OR5AC2: variants seen among roughly 807,000 people sequenced by gnomAD.
OR5AC2 encodes the protein olfactory receptor family 5 subfamily AC member 2.
For missense variants in OR5AC2, 448 were observed against 375.3 expected, an observed-to-expected ratio of 1.19 and a Z score of -1.60; for synonymous variants, 172 against 136.3, an observed-to-expected ratio of 1.26 and a Z score of -1.82.
rs368530070 is a variant in OR5AC2 at position 98,087,922 on chromosome 3, C to T, written c.750C>T (p.Val250=). The change falls in exon 1 of 1, where the codon GTC becomes GTT. Residue 250 remains valine, a synonymous_variant. Coordinates refer to ENST00000358642, the MANE Select transcript of OR5AC2 (RefSeq NM_054106.1). ...CATGCGGCGCCCATCTGCTTTCTGTCTCATTGTACTACGGAACTCTGATCT... is the reference window on the plus strand; with the variant it reads ...CATGCGGCGCCCATCTGCTTTCTGTTTCATTGTACTACGGAACTCTGATCT... The part of the protein sequence containing the change: ...FSTCGAHLLS[V]SLYYGTLIFM... The T allele has an allele frequency of 7.4e-6, 12 of 1,614,070 alleles. No homozygotes were observed. In the East Asian group the frequency reaches 1.1e-4, roughly 15 times the overall value.
chr3:98,087,606 A>G lies in OR5AC2; in HGVS notation c.434A>G (p.Gln145Arg). ...PVMMSNKLSA[Q>R]LLSISYVIGF... ...ATGATGTCCAACAAACTCAGCGCTC[A>G]GTTGCTAAGTATTTCATATGTAATT... The change falls in exon 1 of 1, where the codon CAG becomes CGG. Residue 145 changes from glutamine to arginine, a missense_variant. Transcript: ENST00000358642. 3 of 1,613,920 alleles carry G rather than the reference A, an allele frequency of 1.9e-6. No individual in the cohort carries two copies. The South Asian group carries it at 3.3e-5, about 18-fold the overall frequency.
chr3:98,087,342 T>C lies in OR5AC2; in HGVS notation c.170T>C (p.Leu57Pro). Residue 57 changes from leucine (L) to proline (P), a missense_variant, in exon 1 of 1, where the codon CTT (leucine) becomes CCT (proline). Physicochemically the swap from Leu to Pro is moderately conservative, Grantham distance 98. Coordinates refer to ENST00000358642, the MANE Select transcript of OR5AC2 (RefSeq NM_054106.1). ...LIVLIWNDPH[L>P]HMPMYLFLGG... ...GTTCTAATTTGGAACGACCCCCATC[T>C]TCATATGCCCATGTACTTATTCCTT... The C allele has an allele frequency of 6.2e-7, 1 of 1,614,240 alleles. No homozygotes were observed. The highest frequency in any genetic ancestry group is 8.5e-7 in the Non-Finnish European group (1 of 1,180,042).
In OR5AC2 at chr3:98,087,820, C is replaced by T. The variant is rs373771600; in HGVS notation, c.648C>T (p.Ile216=). Residue 216 remains isoleucine, a synonymous_variant, in exon 1 of 1, where the codon ATC becomes ATT. Coordinates refer to ENST00000358642, the MANE Select transcript of OR5AC2 (RefSeq NM_054106.1). The part of the protein sequence containing the change: ...AFIQIPTLMT[I]IISYTRVLFD... ...TACAAATACCCACTTTAATGACTAT[C>T]ATAATCTCTTATACTCGTGTGCTCT... 1 of 1,609,578 alleles carries T rather than the reference C, an allele frequency of 6.2e-7. No individual in the cohort carries two copies. The highest frequency in any genetic ancestry group is 8.5e-7 in the Non-Finnish European group (1 of 1,176,762).
rs1329583340 is a variant in OR5AC2 at position 98,088,050 on chromosome 3, G to A, written c.878G>A (p.Ser293Asn). The A allele has an allele frequency of 6.2e-7, 1 of 1,611,702 alleles. No homozygotes were observed. The highest frequency in any genetic ancestry group is 2.2e-5 in the East Asian group (1 of 44,816). Reference sequence around the variant, plus strand: ...CCCCTGCTAAACCCATTTATTTACAGCTTGAGAAATAAAAAAGTCATGCAT... The same window carrying A: ...CCCCTGCTAAACCCATTTATTTACAACTTGAGAAATAAAAAAGTCATGCAT... ...IIPLLNPFIY[S>N]LRNKKVMHAL... Residue 293 changes from serine (S) to asparagine (N), a missense_variant, in exon 1 of 1, where the codon AGC becomes AAC. Ser to Asn is a conservative substitution (Grantham distance 46). Coordinates refer to ENST00000358642, the MANE Select transcript of OR5AC2 (RefSeq NM_054106.1).
At position 98,087,834 on chromosome 3, in the gene OR5AC2, C is replaced by G; in HGVS notation, c.662C>G (p.Thr221Ser). 2.5e-6 allele frequency: 4 copies of G among 1,611,594 alleles called. No homozygotes were observed. Among genetic ancestry groups the G allele is most frequent in the Non-Finnish European group, 3.4e-6 (4 of 1,178,240 alleles). The change falls in exon 1 of 1, where the codon ACT becomes AGT. Residue 221 changes from threonine (T) to serine (S), a missense_variant. Transcript: ENST00000358642. ...TTAATGACTATCATAATCTCTTATA[C>G]TCGTGTGCTCTTTGATATTCTGAAA... ...PTLMTIIISYTRVLFDILKKK... is the reference protein window; with the variant it reads ...PTLMTIIISYSRVLFDILKKK...
In OR5AC2 at chr3:98,087,268, GT is replaced by G. The variant is rs1356921709; in HGVS notation, c.101del (p.Leu34TrpfsTer14). On this transcript the variant is annotated frameshift_variant, in exon 1 of 1. Coordinates refer to ENST00000358642, the MANE Select transcript of OR5AC2 (RefSeq NM_054106.1). LOFTEE classifies it low-confidence loss of function (END_TRUNC). ...PWLHVLFFVV[F>X]LVVYLITMVG... ...GGCTGCACGTCCTCTTCTTTGTTGT[GT>G]TTTTGGTGGTCTATCTCATCACCAT... The G allele has an allele frequency of 1.2e-6, 2 of 1,614,120 alleles. No individual in the cohort carries two copies. Among genetic ancestry groups the G allele is most frequent in the Non-Finnish European group, 8.5e-7 (1 of 1,180,002 alleles).
chr3:98,088,002 C>G lies in OR5AC2; in HGVS notation c.830C>G (p.Ser277Cys). The G allele has an allele frequency of 3.1e-6, 5 of 1,613,956 alleles. No homozygotes were observed. Among genetic ancestry groups the G allele is most frequent in the Non-Finnish European group, 4.2e-6 (5 of 1,179,868 alleles). ...GCTGAAGACCAAGACAAAGTGTATT[C>G]TCTGTTTTACACGATTATAATTCCC... The part of the protein sequence containing the change: ...GLAEDQDKVY[S>C]LFYTIIIPLL... Residue 277 changes from serine to cysteine, a missense_variant, in exon 1 of 1, where the codon TCT (serine) becomes TGT (cysteine). Ser to Cys is a moderately radical substitution (Grantham distance 112). Transcript: ENST00000358642.
rs926734231 is a variant in OR5AC2, at chr3:98,087,695, A to C, written c.523A>C (p.Ile175Leu). 1.9e-6 allele frequency: 3 copies of C among 1,612,866 alleles called. No homozygotes were observed. Among genetic ancestry groups the C allele is most frequent in the Non-Finnish European group, 2.5e-6 (3 of 1,179,960 alleles). Reference sequence around the variant, plus strand: ...GCGACTAACTTTCTGCAGGTTTAACATAATACATTATTTCTACTGTGAAAT... The same window carrying C: ...GCGACTAACTTTCTGCAGGTTTAACCTAATACATTATTTCTACTGTGAAAT... ...LLRLTFCRFN[I>L]IHYFYCEILQ... The change falls in exon 1 of 1, where the codon ATA (isoleucine) becomes CTA (leucine). Residue 175 changes from isoleucine to leucine, a missense_variant. Coordinates refer to ENST00000358642, the MANE Select transcript of OR5AC2 (RefSeq NM_054106.1).
At position 98,087,923 on chromosome 3, in the gene OR5AC2, T is replaced by C. The variant is rs1707783013; in HGVS notation, c.751T>C (p.Ser251Pro). The stretch of plus-strand genomic sequence containing the variant: ...ATGCGGCGCCCATCTGCTTTCTGTC[T>C]CATTGTACTACGGAACTCTGATCTT... ...STCGAHLLSV[S>P]LYYGTLIFMY... The change falls in exon 1 of 1, where the codon TCA (serine) becomes CCA (proline). Residue 251 changes from serine (S) to proline (P), a missense_variant. By Grantham distance (74) the Ser-to-Pro change is moderately conservative. Coordinates refer to ENST00000358642, the MANE Select transcript of OR5AC2 (RefSeq NM_054106.1). The C allele has an allele frequency of 1.1e-5, 18 of 1,613,978 alleles. No homozygotes were observed. The highest frequency in any genetic ancestry group is 1.4e-5 in the Non-Finnish European group (16 of 1,180,000).
At position 98,087,858 on chromosome 3, in the gene OR5AC2, A is replaced by T; in HGVS notation, c.686A>T (p.Lys229Ile). The part of the protein sequence containing the change: ...SYTRVLFDIL[K>I]KKSEKGRSKA... ...ACTCGTGTGCTCTTTGATATTCTGAAAAAAAAGTCTGAAAAGGGCAGAAGC... is the reference window on the plus strand; with the variant it reads ...ACTCGTGTGCTCTTTGATATTCTGATAAAAAAGTCTGAAAAGGGCAGAAGC... The change falls in exon 1 of 1, where the codon AAA becomes ATA. Residue 229 changes from lysine to isoleucine, a missense_variant. By Grantham distance (102) the Lys-to-Ile change is moderately radical. Transcript: ENST00000358642. The T allele has an allele frequency of 6.2e-7, 1 of 1,612,952 alleles. No homozygotes were observed. Among genetic ancestry groups the T allele is most frequent in the Non-Finnish European group, 8.5e-7 (1 of 1,179,238 alleles).
At position 98,087,466 on chromosome 3, in the gene OR5AC2, G is replaced by A. The variant is rs1346037643; in HGVS notation, c.294G>A (p.Glu98=). ...LDKTAMISLA[E]CITQFYFFAS... is the part of the protein sequence containing the mutation. ...AGACTGCAATGATATCCCTAGCTGA[G>A]TGCATCACCCAGTTTTACTTTTTTG... The change falls in exon 1 of 1, where the codon GAG becomes GAA. Residue 98 remains glutamate (E), a synonymous_variant. Transcript: ENST00000358642. 1.2e-6 allele frequency: 2 copies of A among 1,614,160 alleles called. No individual in the cohort carries two copies. The highest frequency in any genetic ancestry group is 1.7e-6 in the Non-Finnish European group (2 of 1,180,028).
rs370370598 is a variant in OR5AC2 at position 98,087,251 on chromosome 3, G to A, written c.79G>A (p.Val27Ile). The change falls in exon 1 of 1, where the codon GTC becomes ATC. Residue 27 changes from valine to isoleucine, a missense_variant. By Grantham distance (29) the Val-to-Ile change is conservative. Transcript: ENST00000358642. ...TGLTDRPWLHVLFFVVFLVVY... is the reference protein window; with the variant it reads ...TGLTDRPWLHILFFVVFLVVY... ...ACTTACAGATCGACCATGGCTGCAC[G>A]TCCTCTTCTTTGTTGTGTTTTTGGT... 18 of 1,614,074 alleles carry A rather than the reference G, an allele frequency of 1.1e-5. 1 individual carries two copies. Among genetic ancestry groups the A allele is most frequent in the South Asian group, 6.6e-5 (6 of 91,082 alleles).
At position 98,087,552 on chromosome 3, in the gene OR5AC2, C is replaced by T; in HGVS notation, c.380C>T (p.Ala127Val). The T allele has an allele frequency of 6.2e-7, 1 of 1,614,068 alleles. No homozygotes were observed. The highest frequency in any genetic ancestry group is 8.5e-7 in the Non-Finnish European group (1 of 1,180,010). Residue 127 changes from alanine to valine, a missense_variant, in exon 1 of 1, where the codon GCC becomes GTC. Ala to Val is a moderately conservative substitution (Grantham distance 64, BLOSUM62 0). Coordinates refer to ENST00000358642, the MANE Select transcript of OR5AC2 (RefSeq NM_054106.1). The stretch of plus-strand genomic sequence containing the variant: ...ATGATGGCCTATGACCGCTATGTAG[C>T]CATATGTAATCCCTTGCTTTATCCA... ...LVMMAYDRYV[A>V]ICNPLLYPVM...
chr3:98,088,096 G>A lies in OR5AC2; in HGVS notation c.924G>A (p.Arg308=), dbSNP rs1426415501. The change falls in exon 1 of 1, where the codon AGG becomes AGA. Residue 308 remains arginine, a synonymous_variant. Coordinates refer to ENST00000358642, the MANE Select transcript of OR5AC2 (RefSeq NM_054106.1). ...KVMHALRRVI[R]K ...TGCATGCATTGAGAAGAGTTATAAG[G>A]AAGTAAACAGTTCCAAAGGGAAATG... 1 of 1,575,368 alleles carries A rather than the reference G, an allele frequency of 6.3e-7. No homozygotes were observed. Among genetic ancestry groups the A allele is most frequent in the South Asian group, 1.1e-5 (1 of 87,994 alleles).
rs748364836 is a variant in OR5AC2, at chr3:98,087,295, G to C, written c.123G>C (p.Met41Ile). ...TTTTGGTGGTCTATCTCATCACCATGGTGGGCAACCTTGGACTGATAGTTC... is the reference window on the plus strand; with the variant it reads ...TTTTGGTGGTCTATCTCATCACCATCGTGGGCAACCTTGGACTGATAGTTC... ...VVFLVVYLITMVGNLGLIVLI... is the reference protein window; with the variant it reads ...VVFLVVYLITIVGNLGLIVLI... Residue 41 changes from methionine (M) to isoleucine (I), a missense_variant, in exon 1 of 1, where the codon ATG (methionine) becomes ATC (isoleucine). Met to Ile is a conservative substitution (Grantham distance 10). Coordinates refer to ENST00000358642, the MANE Select transcript of OR5AC2 (RefSeq NM_054106.1). 1 of 1,614,088 alleles carries C rather than the reference G, an allele frequency of 6.2e-7. No homozygotes were observed. The highest frequency in any genetic ancestry group is 8.5e-7 in the Non-Finnish European group (1 of 1,179,992).
In OR5AC2 at chr3:98,087,508, A is replaced by G. The variant is rs1233740137; in HGVS notation, c.336A>G (p.Thr112=). ...ACTTTTTTGCTTCCAGTGCAACTAC[A>G]GAATGCTTCCTCCTGGTGATGATGG... ...QFYFFASSAT[T]ECFLLVMMAY... Residue 112 remains threonine (T), a synonymous_variant, in exon 1 of 1, where the codon ACA becomes ACG. Transcript: ENST00000358642. 1.9e-6 allele frequency: 3 copies of G among 1,614,086 alleles called. No individual in the cohort carries two copies. Among genetic ancestry groups the G allele is most frequent in the Non-Finnish European group, 2.5e-6 (3 of 1,180,048 alleles).
chr3:98,087,775 A>G lies in OR5AC2; in HGVS notation c.603A>G (p.Ile201Met), dbSNP rs1707780094. The G allele has an allele frequency of 6.2e-7, 1 of 1,606,632 alleles. No homozygotes were observed. Among genetic ancestry groups the G allele is most frequent in the Non-Finnish European group, 8.5e-7 (1 of 1,174,556 alleles). The change falls in exon 1 of 1, where the codon ATA becomes ATG. Residue 201 changes from isoleucine (I) to methionine (M), a missense_variant. Transcript: ENST00000358642. Reference sequence around the variant, plus strand: ...GTCCATCTATTAACGCACTAATGATATTTATTTTTGGTGCTTTTATACAAA... The same window carrying G: ...GTCCATCTATTAACGCACTAATGATGTTTATTTTTGGTGCTTTTATACAAA... ...CNGPSINALM[I>M]FIFGAFIQIP...
Position 98,087,742 on chromosome 3 carries a change from A to G in OR5AC2, c.570A>G (p.Ser190=). ...YCEILQLFKI[S]CNGPSINALM... The stretch of plus-strand genomic sequence containing the variant: ...AAATTTTACAACTGTTCAAAATTTC[A>G]TGCAATGGTCCATCTATTAACGCAC... The change falls in exon 1 of 1, where the codon TCA becomes TCG. Residue 190 remains serine, a synonymous_variant. Transcript: ENST00000358642. The G allele has an allele frequency of 1.2e-6, 2 of 1,611,822 alleles. No homozygotes were observed. Among genetic ancestry groups the G allele is most frequent in the South Asian group, 2.2e-5 (2 of 91,038 alleles).
rs1256025963 is a variant in OR5AC2, at chr3:98,087,753, CATCT to C, written c.584_587del (p.Ser195LeufsTer4). 6.2e-7 allele frequency: 1 copy of C among 1,608,836 alleles called. No individual in the cohort carries two copies. The highest frequency in any genetic ancestry group is 1.3e-5 in the African/African-American group (1 of 74,752). ...CTGTTCAAAATTTCATGCAATGGTC[CATCT>C]ATTAACGCACTAATGATATTTATTT... On this transcript the variant is annotated frameshift_variant, in exon 1 of 1. Coordinates refer to ENST00000358642, the MANE Select transcript of OR5AC2 (RefSeq NM_054106.1). LOFTEE classifies it low-confidence loss of function (END_TRUNC).
Sources: gnomAD v4.1 joint callset for allele counts on GRCh38, gnomAD v4.1.1 for gene constraint, MANE v1.5 for transcripts, NCBI Gene and HGNC (gene_info 2026-07-23, HGNC 2026-07-21) for gene names.